Variants in APC observed in about 807,000 individuals in gnomAD.
APC encodes the protein APC regulator of Wnt signaling pathway.
In APC, 72 loss-of-function variants were observed where a neutral mutation model predicts 247.0. The observed-to-expected ratio is 0.29, with a 90% CI of 0.24 to 0.35. APC has a LOEUF of 0.35. Among genes scored for constraint, APC ranks in the 10% least tolerant of loss-of-function variants. The pLI is 1.00. For missense variants in APC, 3,400 were observed against 3,360.7 expected (o/e 1.01, Z -0.29); for synonymous variants, 1,254 against 1,162.5 (o/e 1.08, Z -1.60).
chr5:112,838,732 T>A lies in APC; in HGVS notation c.3138T>A (p.Asn1046Lys). The A allele has an allele frequency of 6.2e-7, 1 of 1,614,146 alleles. No individual in the cohort carries two copies. The highest frequency in any genetic ancestry group is 8.5e-7 in the Non-Finnish European group (1 of 1,180,010). The change falls in exon 16 of 16, where the codon AAT becomes AAA. Residue 1046 changes from asparagine to lysine, a missense_variant. Physicochemically the swap from Asn to Lys is moderately conservative, Grantham distance 94. Around this residue, in one of 9 missense-constraint regions of APC, gnomAD observed 715 missense variants for 656.6 expected, o/e 1.09. Transcript: ENST00000257430. ...LNSGRQSPSQNERWARPKHII... is the reference protein window; with the variant it reads ...LNSGRQSPSQKERWARPKHII... ...CTGGAAGGCAAAGTCCTTCACAGAA[T>A]GAAAGATGGGCAAGACCCAAACACA... is the stretch of plus-strand genomic sequence containing the variant.
chr5:112,778,717 G>A (rs1349844773), intron 5 of APC, among the ~76,000 whole-genome samples: 7 of 151,850 alleles, frequency 4.6e-5, no homozygotes, highest in African/African-American at 7.3e-5. Flanking sequence ...CTAATTTTTT[G>A]TACTTTTAGT....
intron 6 of APC, among the ~76,000 whole-genome samples, chr5:112,788,054 C>T (rs1192435592): frequency 6.6e-6 from 1 of 152,062 alleles, no homozygotes; most frequent in African/African-American, 2.4e-5. Flanking sequence ...TTGGATACCG[C>T]ACTAGTTCCT....
At position 112,707,598 on chromosome 5, in the gene APC, C is replaced by T. The variant is rs904073379; in HGVS notation, c.-120C>T. On this transcript the variant is annotated 5_prime_UTR_variant, in exon 1 of 14. Coordinates refer to the APC transcript ENST00000507379. ...CTAGCCGCTGCTCGGGGGGGACCTG[C>T]GGGCTCAGGCCCGGGAGCTGCGGAC... 6 of 1,099,422 alleles carry T rather than the reference C, an allele frequency of 5.5e-6. No homozygotes were observed. The highest frequency in any genetic ancestry group is 1.4e-5 in the South Asian group (1 of 70,782). 68.1% of individuals were successfully genotyped at this position (1,099,422 alleles called of 1,614,324 possible).
intron 4 of APC, among the ~76,000 whole-genome samples, chr5:112,775,121 C>G (rs1232087601): frequency 6.6e-6 from 1 of 152,080 alleles, no homozygotes; most frequent in African/African-American, 2.4e-5. Flanking sequence ...AGAAGTTTTT[C>G]TCCGTCATAA....
At chr5:112,745,548 T>TTTATTA (rs139166227) in intron 1 of APC, among the ~76,000 whole-genome samples, 7,412 of 148,684 alleles carry the variant, frequency 0.05, 201 homozygotes, top group Non-Finnish European at 0.057. Context: ...TAATATTCAC[T>TTTATTA]TTATTATTAT....
intron 1 of APC, among the ~76,000 whole-genome samples, chr5:112,730,920 G>C (rs1230995369): frequency 6.6e-6 from 1 of 151,978 alleles, no homozygotes. Context: ...CGAAATTCTT[G>C]TAATTCCTAG....
At chr5:112,716,559 G>A (rs754618127) in intron 1 of APC, among the ~76,000 whole-genome samples, 55 of 151,660 alleles carry the variant, frequency 3.6e-4, no homozygotes, top group Non-Finnish European at 7.1e-4. Flanking sequence ...TTTTTATTAG[G>A]TCATATTTGT....
intron 1 of APC, among the ~76,000 whole-genome samples, chr5:112,747,478 A>G (rs1376842019): frequency 1.3e-5 from 2 of 152,212 alleles, no homozygotes; most frequent in Non-Finnish European, 2.9e-5. Context: ...TATGAAACAC[A>G]ATAAAGTTAG....
intron 1 of APC, among the ~76,000 whole-genome samples, chr5:112,741,086 A>C (rs868667246): frequency 1.2e-4 from 19 of 152,208 alleles, no homozygotes; most frequent in African/African-American, 4.6e-4. Flanking sequence ...TAGTTTAGGA[A>C]ATATATTCAC....
At chr5:112,712,085 G>T (rs1053223677) in intron 1 of APC, among the ~76,000 whole-genome samples, 5 of 152,218 alleles carry the variant, frequency 3.3e-5, no homozygotes, top group Non-Finnish European at 7.3e-5. Flanking sequence ...GGCTTAGCCA[G>T]TGGAGTGAAT....
At chr5:112,785,424 A>G (rs1450268856) in intron 6 of APC, among the ~76,000 whole-genome samples, 4 of 152,214 alleles carry the variant, frequency 2.6e-5, no homozygotes, top group Non-Finnish European at 4.4e-5. Context: ...GTAACAGGAA[A>G]CTTTAAAGTA....
intron 4 of APC, among the ~76,000 whole-genome samples, chr5:112,768,231 C>T (rs906550040): frequency 7.3e-5 from 11 of 151,690 alleles, no homozygotes; most frequent in Non-Finnish European, 1.0e-4. Flanking sequence ...TGAGTAGAGA[C>T]AGTGTTTCAC....
chr5:112,835,453 TTAG>T (rs563069968), intron 15 of APC, among the ~76,000 whole-genome samples: 420 of 152,200 alleles, frequency 2.8e-3, no homozygotes, highest in Non-Finnish European at 5.0e-3. Context: ...TCCATTTCTA[TTAG>T]TATAGTATAA....
Position 112,827,316 on chromosome 5 carries a change from A to G in APC, c.1548+69A>G, listed in dbSNP as rs1580566571. The G allele has an allele frequency of 4.5e-6, 7 of 1,552,314 alleles. No individual in the cohort carries two copies. In the East Asian group the frequency reaches 1.4e-4, roughly 30 times the overall value. ...AGTTAATTTACTTTCATACAAATAC[A>G]TTTTACTGATTTTCTTTTTTTTCAC... On this transcript the variant is annotated intron_variant, in intron 12 of 15. Transcript: ENST00000257430.
intron 14 of APC, chr5:112,829,355 G>C (rs1034225909): frequency 4.6e-6 from 1 of 218,804 alleles, no homozygotes; most frequent in Admixed American, 5.4e-5. Flanking sequence ...GGCTGGTCTC[G>C]AACTACTCCT....
chr5:112,831,096 C>A (rs1369047263), intron 14 of APC, among the ~76,000 whole-genome samples: 1 of 152,008 alleles, frequency 6.6e-6, no homozygotes, highest in Admixed American at 6.6e-5. Flanking sequence ...CTCTCAAGGA[C>A]CTAAACTCTT....
At chr5:112,788,691 C>G (rs1480226115) in intron 6 of APC, among the ~76,000 whole-genome samples, 5 of 152,110 alleles carry the variant, frequency 3.3e-5, no homozygotes, top group Non-Finnish European at 7.4e-5. Flanking sequence ...TCTTACATAT[C>G]ATTTAAAAAA....
At chr5:112,831,081 A>G (rs1764245283) in intron 14 of APC, among the ~76,000 whole-genome samples, 1 of 151,934 alleles carries the variant, frequency 6.6e-6, no homozygotes, top group Admixed American at 6.6e-5. Flanking sequence ...TCATGACTTA[A>G]TTCTCTCTCA....
intron 7 of APC, among the ~76,000 whole-genome samples, chr5:112,799,851 T>A (rs761345227): frequency 7.9e-5 from 12 of 152,180 alleles, no homozygotes; most frequent in Non-Finnish European, 1.5e-4. Context: ...GTCCTCTGCA[T>A]GTGATCTGTT....
Sources: gnomAD v4.1 joint callset for allele counts (sites outside exome capture counted in the v4.1 genomes callset) on GRCh38, gnomAD v4.1.1 for gene constraint, gnomAD v4.1.1 regional missense constraint, MANE v1.5 for transcripts, NCBI Gene and HGNC (gene_info 2026-07-23, HGNC 2026-07-21) for gene names.